The following ITGA9 variants were observed in gnomAD, a reference collection of about 807,000 sequenced individuals.
The protein encoded by ITGA9 is integrin subunit alpha 9.
Under a neutral mutation model 127.8 loss-of-function variants are expected in ITGA9, and 56 were observed. The ratio of observed to expected loss-of-function variants is 0.44; its 90% CI spans 0.35 to 0.55. ITGA9 has a LOEUF of 0.55. ITGA9 is among the 20% of genes least tolerant of loss of function. The probability of loss-of-function intolerance (pLI) is 0.00; values close to 1 mark genes in which losing one functional copy is unlikely to be tolerated. For missense variants in ITGA9, 1,196 were observed against 1,347.1 expected, an observed-to-expected ratio of 0.89 and a Z score of 1.76; for synonymous variants, 508 against 514.5, an observed-to-expected ratio of 0.99 and a Z score of 0.17.
chr3:37,453,864 T>A (rs1276031102), intron 1 of ITGA9, among the ~76,000 whole-genome samples: 1 of 152,130 alleles, frequency 6.6e-6, no homozygotes, highest in Non-Finnish European at 1.5e-5. Context: ...GAGAACCAGT[T>A]TTCAAAGCCC....
At position 37,473,427 on chromosome 3, in the gene ITGA9, G is replaced by C. The variant is rs769288603; in HGVS notation, c.387G>C (p.Leu129=). The C allele has an allele frequency of 1.2e-6, 2 of 1,614,018 alleles. No individual in the cohort carries two copies. Among genetic ancestry groups the C allele is most frequent in the Middle Eastern group, 1.6e-4 (1 of 6,082 alleles). ...DRDDEWMGVS[L]ARQPKADGRV... ...ATGATGAGTGGATGGGGGTGAGCCT[G>C]GCCCGACAGCCCAAGGCTGATGGCC... Residue 129 remains leucine (L), a synonymous_variant, in exon 3 of 28, where the codon CTG becomes CTC. Coordinates refer to ENST00000264741, the MANE Select transcript of ITGA9 (RefSeq NM_002207.3).
chr3:37,532,240 A>G (rs1323230483), intron 13 of ITGA9, among the ~76,000 whole-genome samples: 21 of 152,206 alleles, frequency 1.4e-4, no homozygotes, highest in African/African-American at 2.4e-5. Context: ...ATCTCCCAGC[A>G]TGGTGGCAGC....
chr3:37,603,880 G>T (rs1049956388), intron 15 of ITGA9, among the ~76,000 whole-genome samples: 1 of 152,178 alleles, frequency 6.6e-6, no homozygotes, highest in Admixed American at 6.5e-5. Context: ...CCATTATTTT[G>T]TCTTGTTGGG....
At chr3:37,708,597 C>A (rs1363785334) in intron 18 of ITGA9, among the ~76,000 whole-genome samples, 1 of 18,600 alleles carries the variant, frequency 5.4e-5, no homozygotes, top group Non-Finnish European at 1.4e-4. Flanking sequence ...GTTTCCACAA[C>A]TAGTTCAGCG....
intron 15 of ITGA9, among the ~76,000 whole-genome samples, chr3:37,566,062 T>G (rs543076692): frequency 3.3e-4 from 51 of 152,356 alleles, no homozygotes; most frequent in African/African-American, 1.2e-3. Flanking sequence ...TCTCTATATC[T>G]ATAACTTTTA....
chr3:37,680,215 A>G (rs1025734129), intron 17 of ITGA9, among the ~76,000 whole-genome samples: 1 of 152,200 alleles, frequency 6.6e-6, no homozygotes, highest in African/African-American at 2.4e-5. Flanking sequence ...GTGAGGTTTC[A>G]GAAGGATGAC....
Position 37,770,234 on chromosome 3 carries a change from G to A in ITGA9, c.2542-7158G>A, listed in dbSNP as rs189809937. 5.1e-4 allele frequency among the ~76,000 whole-genome samples: 78 copies of A among 152,300 alleles called. 1 individual carries two copies. The highest frequency in any genetic ancestry group is 5.0e-4 in the Non-Finnish European group (34 of 68,030). ...GTGCCGTAAGGATTCAGCATATGCCGTTCTCTAACATACTAATAGCACCTA... is the reference window on the plus strand; with the variant it reads ...GTGCCGTAAGGATTCAGCATATGCCATTCTCTAACATACTAATAGCACCTA... On this transcript the variant is annotated intron_variant, in intron 23 of 27. Coordinates refer to ENST00000264741, the MANE Select transcript of ITGA9 (RefSeq NM_002207.3).
intron 15 of ITGA9, among the ~76,000 whole-genome samples, chr3:37,615,958 G>A (rs1240011342): frequency 7.3e-5 from 11 of 151,418 alleles, no homozygotes; most frequent in Admixed American, 3.3e-4. Context: ...TTGTGTCTCT[G>A]TTTCCTTCAG....
chr3:37,670,251 A>G (rs1005264085), intron 17 of ITGA9, among the ~76,000 whole-genome samples: 1 of 152,158 alleles, frequency 6.6e-6, no homozygotes, highest in Middle Eastern at 3.2e-3. Context: ...GAAGTCAACC[A>G]CAGTTTCTAA....
chr3:37,794,271 C>T (rs1412592468), intron 26 of ITGA9, among the ~76,000 whole-genome samples: 1 of 152,238 alleles, frequency 6.6e-6, no homozygotes, highest in Non-Finnish European at 1.5e-5. Context: ...AGAGGAATTT[C>T]TGGCCACAGC....
chr3:37,517,341 A>G (rs1698993680), intron 9 of ITGA9, among the ~76,000 whole-genome samples, 163 bp from the exon 10 acceptor site: 1 of 152,252 alleles, frequency 6.6e-6, no homozygotes, highest in Admixed American at 6.5e-5. Context: ...TTTTGCCAGC[A>G]GGAGAGAGAA....
intron 26 of ITGA9, among the ~76,000 whole-genome samples, chr3:37,796,728 C>T (rs1170372488): frequency 1.3e-5 from 2 of 152,302 alleles, no homozygotes; most frequent in South Asian, 2.1e-4. Flanking sequence ...GAGTCGTGTT[C>T]ATACTTCATC....
intron 15 of ITGA9, among the ~76,000 whole-genome samples, chr3:37,591,611 C>T (rs867214819): frequency 2.0e-5 from 3 of 152,174 alleles, no homozygotes; most frequent in South Asian, 2.1e-4. Context: ...CTGTAGACCT[C>T]GGGGGTCCAG....
rs114259890 is a variant in ITGA9 at position 37,484,793 on chromosome 3, C to A, written c.544+3186C>A. Among the ~76,000 whole-genome samples the A allele has an allele frequency of 8.4e-3, 1,282 of 152,260 alleles. 6 individuals are homozygous for A. The highest frequency in any genetic ancestry group is 0.014 in the Middle Eastern group (4 of 294). ...TAATCTCAGATGGGTTATTTAAGTT[C>A]TCTGTGCCTAACCAACCTCAAGGGT... On this transcript the variant is annotated intron_variant, in intron 4 of 27. Coordinates refer to ENST00000264741, the MANE Select transcript of ITGA9 (RefSeq NM_002207.3).
intron 15 of ITGA9, among the ~76,000 whole-genome samples, chr3:37,614,886 A>G (rs1306795582): frequency 6.6e-6 from 1 of 152,218 alleles, no homozygotes; most frequent in African/African-American, 2.4e-5. Context: ...GGAGTTTTCT[A>G]GATATACAAT....
In ITGA9 at chr3:37,494,352, T is replaced by C. The variant is rs184504047; in HGVS notation, c.545-149T>C. 1.0e-3 allele frequency: 733 copies of C among 701,976 alleles called. 3 individuals are homozygous for C. Among genetic ancestry groups the C allele is most frequent in the Non-Finnish European group, 1.8e-3 (674 of 383,420 alleles). The allele number at this position is 701,976 out of a possible 1,614,324, so 43.5% of individuals were successfully genotyped here. On this transcript the variant is annotated intron_variant, in intron 4 of 27. Transcript: ENST00000264741. ...GAGGTCTGGTGGATTCCTGAGACTT[T>C]CCTTCCTCACCCCAGTCTGGATGGC...
intron 15 of ITGA9, among the ~76,000 whole-genome samples, chr3:37,627,462 C>T (rs1339469127): frequency 6.6e-6 from 1 of 152,170 alleles, no homozygotes; most frequent in Non-Finnish European, 1.5e-5. Context: ...CCCCGCAGCC[C>T]CGAGGAACTC....
At chr3:37,702,168 G>T (rs11918340) in intron 18 of ITGA9, among the ~76,000 whole-genome samples, 8 of 152,130 alleles carry the variant, frequency 5.3e-5, no homozygotes, top group Non-Finnish European at 1.2e-4. Context: ...TGATAGTCAC[G>T]GTAATTACAG....
chr3:37,642,594 G>A (rs1700343963), intron 16 of ITGA9, among the ~76,000 whole-genome samples: 2 of 152,228 alleles, frequency 1.3e-5, no homozygotes, highest in South Asian at 4.1e-4. Context: ...AGAGCATGAT[G>A]TGTGATTTGC....
Sources: gnomAD v4.1 joint callset for allele counts (sites outside exome capture counted in the v4.1 genomes callset) on GRCh38, gnomAD v4.1.1 for gene constraint, MANE v1.5 for transcripts, NCBI Gene and HGNC (gene_info 2026-07-23, HGNC 2026-07-21) for gene names.